SNRPN: variants seen among roughly 807,000 people sequenced by gnomAD.
SNRPN encodes the protein small nuclear ribonucleoprotein-associated protein N.
Under a neutral mutation model 25.2 loss-of-function variants are expected in SNRPN, and 7 were observed. That is an observed-to-expected ratio of 0.28 (90% CI 0.16 to 0.52). The LOEUF (loss-of-function observed/expected upper bound fraction) is 0.52, where lower values mean the gene tolerates loss of function less well. SNRPN is among the 20% of genes least tolerant of loss of function. The pLI is 0.96. For missense variants in SNRPN, 196 were observed against 322.5 expected, an observed-to-expected ratio of 0.61 and a Z score of 3.00; for synonymous variants, 124 against 110.6, an observed-to-expected ratio of 1.12 and a Z score of -0.76.
At chr15:24,847,922 C>G (rs1427164822) in intron 2 of SNRPN, among the ~76,000 whole-genome samples, 1 of 152,038 alleles carries the variant, frequency 6.6e-6, no homozygotes, top group East Asian at 1.9e-4. Context: ...TTTGTGTTTC[C>G]CTACACATCA....
At chr15:24,943,731 T>C (rs1160467733) in intron 3 of SNRPN, among the ~76,000 whole-genome samples, 9 of 152,158 alleles carry the variant, frequency 5.9e-5, no homozygotes. Context: ...TAAAGGCCTA[T>C]GCTGCAACTT....
chr15:24,866,454 G>C lies in SNRPN; in HGVS notation c.-579+9738G>C, dbSNP rs77244485. Among the ~76,000 whole-genome samples the C allele has an allele frequency of 8.5e-3, 1,298 of 152,238 alleles. 20 individuals are homozygous for C. Among genetic ancestry groups the C allele is most frequent in the African/African-American group, 0.029 (1,213 of 41,538 alleles). ...CGCTCTGCACCTAGGCTGGAGTGCA[G>C]TGGTTTGATCACAGCTCACTGCAGT... On this transcript the variant is annotated intron_variant, in intron 1 of 11. Coordinates refer to the SNRPN transcript ENST00000400097.
At chr15:24,830,615 T>C (rs1006777481) in intron 2 of SNRPN, among the ~76,000 whole-genome samples, 2 of 152,122 alleles carry the variant, frequency 1.3e-5, no homozygotes, top group African/African-American at 4.8e-5. Flanking sequence ...TGACAAATTT[T>C]GATGAGGTGT....
chr15:24,837,100 A>G (rs1018245600), intron 2 of SNRPN, among the ~76,000 whole-genome samples: 1 of 151,998 alleles, frequency 6.6e-6, no homozygotes, highest in African/African-American at 2.4e-5. Flanking sequence ...AGTAGCTTCA[A>G]TGTATAAATC....
At chr15:24,830,250 G>A (rs191440510) in intron 2 of SNRPN, among the ~76,000 whole-genome samples, 180 of 152,044 alleles carry the variant, frequency 1.2e-3, no homozygotes, top group African/African-American at 4.0e-3. Flanking sequence ...TGCTTTACAG[G>A]CCTTTGGTTG....
chr15:24,948,674 C>T (rs2062032132), intron 3 of SNRPN, among the ~76,000 whole-genome samples: 1 of 152,068 alleles, frequency 6.6e-6, no homozygotes, highest in Admixed American at 6.6e-5. Context: ...GACATTTTCT[C>T]ACTTTGTTTT....
At chr15:24,922,190 G>T (rs1300487475) in intron 3 of SNRPN, among the ~76,000 whole-genome samples, 1 of 152,120 alleles carries the variant, frequency 6.6e-6, no homozygotes, top group East Asian at 1.9e-4. Flanking sequence ...TCTAGCATGG[G>T]CGACAAAAGC....
chr15:24,826,993 C>T (rs1176678956), intron 1 of SNRPN, among the ~76,000 whole-genome samples: 3 of 152,090 alleles, frequency 2.0e-5, no homozygotes, highest in South Asian at 2.1e-4. Flanking sequence ...GCAATGATAA[C>T]ACGATGGTGT....
At chr15:24,843,033 A>G (rs937586896) in intron 2 of SNRPN, among the ~76,000 whole-genome samples, 4 of 152,078 alleles carry the variant, frequency 2.6e-5, no homozygotes, top group Admixed American at 1.3e-4. Flanking sequence ...TTTGAAACTG[A>G]CCTGTGCTAT....
At chr15:24,839,718 A>G (rs2051520903) in intron 2 of SNRPN, among the ~76,000 whole-genome samples, 1 of 152,108 alleles carries the variant, frequency 6.6e-6, no homozygotes, top group Non-Finnish European at 1.5e-5. Flanking sequence ...CTGAGCCATC[A>G]GTAAACCATG....
upstream of SNRPN, among the ~76,000 whole-genome samples, chr15:24,950,076 C>T (rs950445173): frequency 6.6e-6 from 1 of 152,160 alleles, no homozygotes; most frequent in Admixed American, 6.6e-5. Context: ...CTCGCCTTGG[C>T]TTCCAAAAGT....
chr15:24,882,823 C>CAAAAAAAAAAAAAAAAAAAAAA (rs10543501), intron 1 of SNRPN, among the ~76,000 whole-genome samples: 17 of 127,094 alleles, frequency 1.3e-4, no homozygotes, highest in East Asian at 9.3e-4. Context: ...GACTCCATCT[C>CAAAAAAAAAAAAAAAAAAAAAA]AAAAAAAAAA....
chr15:24,950,931 C>G (rs1596108057), upstream of SNRPN, among the ~76,000 whole-genome samples: 2 of 151,748 alleles, frequency 1.3e-5, no homozygotes, highest in Middle Eastern at 3.4e-3. Flanking sequence ...GTGCAATCTC[C>G]CTCACCGCGA....
At chr15:24,919,294 C>G (rs549406024) in intron 2 of SNRPN, among the ~76,000 whole-genome samples, 1 of 151,428 alleles carries the variant, frequency 6.6e-6, no homozygotes, top group African/African-American at 2.4e-5. Context: ...AGCCGGGCGT[C>G]GTGGCGGGCA....
rs144503909 is a variant in SNRPN at position 24,978,027 on chromosome 15, C to T, written c.559+111C>T. On this transcript the variant is annotated intron_variant, in intron 8 of 9. Coordinates refer to ENST00000390687, the MANE Select transcript of SNRPN (RefSeq NM_003097.6). ...AATTTGGGGAATATGCTTCCTTCTT[C>T]TAGATACTGGTTTTTAATGAAAGAC... 3.7e-4 allele frequency: 461 copies of T among 1,233,960 alleles called. 2 individuals are homozygous for T. The African/African-American group carries it at 6.2e-3, about 17-fold the overall frequency. The allele number at this position is 1,233,960 out of a possible 1,614,324, so 76.4% of individuals were successfully genotyped here. A position where few individuals can be genotyped will look rare whatever the true frequency, so the allele number is the denominator to read the frequency against.
At chr15:24,863,019 G>T (rs1391036403) in intron 1 of SNRPN, among the ~76,000 whole-genome samples, 1 of 150,998 alleles carries the variant, frequency 6.6e-6, no homozygotes, top group Non-Finnish European at 1.5e-5. Flanking sequence ...TGCCTTCTGT[G>T]GGGAGGAGTT....
In SNRPN at chr15:24,978,585, G is replaced by A; in HGVS notation, c.*141G>A. On this transcript the variant is annotated 3_prime_UTR_variant, in exon 10 of 10. Coordinates refer to ENST00000390687, the MANE Select transcript of SNRPN (RefSeq NM_003097.6). ...ATGCATAGAGCAATTAAACTGTGAG[G>A]TACTGTTGTATATATTTTTTTGCCT... is the stretch of plus-strand genomic sequence containing the variant. 2 of 792,446 alleles carry A rather than the reference G, an allele frequency of 2.5e-6. No individual in the cohort carries two copies. The highest frequency in any genetic ancestry group is 1.5e-5 in the South Asian group (1 of 65,244). The allele number at this position is 792,446 out of a possible 1,614,324, so 49.1% of individuals were successfully genotyped here. A position where few individuals can be genotyped will look rare whatever the true frequency, so the allele number is the denominator to read the frequency against.
chr15:24,883,373 AGGTCATCT>A (rs111427440), intron 1 of SNRPN, among the ~76,000 whole-genome samples: 14,362 of 152,206 alleles, frequency 0.094, 738 homozygotes, highest in African/African-American at 0.12. Context: ...CACTATAGAA[AGGTCATCT>A]GGCTGTCTGG....
chr15:24,891,259 T>C (rs2057645748), intron 2 of SNRPN, among the ~76,000 whole-genome samples: 1 of 152,166 alleles, frequency 6.6e-6, no homozygotes, highest in Non-Finnish European at 1.5e-5. Flanking sequence ...GTTGTTGCTC[T>C]ATTTACCAAA....
Sources: allele counts gnomAD v4.1 joint callset (sites outside exome capture counted in the v4.1 genomes callset), GRCh38; gene constraint gnomAD v4.1.1; transcripts MANE v1.5; gene names NCBI Gene and HGNC (gene_info 2026-07-23, HGNC 2026-07-21).